ERGIC2: variants seen among roughly 807,000 people sequenced by gnomAD.
The protein encoded by ERGIC2 is ERGIC and golgi 2, also known as endoplasmic reticulum-Golgi intermediate compartment protein 2.
ERGIC2 carries 31 observed loss-of-function variants against 52.5 expected under a neutral mutation model. The ratio of observed to expected loss-of-function variants is 0.59; its 90% CI spans 0.44 to 0.80. The LOEUF is 0.80. ERGIC2 is among the 30% of genes least tolerant of loss of function. ERGIC2 has a pLI of 0.00. For synonymous variants in ERGIC2, 129 were observed against 140.6 expected, an observed-to-expected ratio of 0.92 and a Z score of 0.58; for missense variants, 395 against 455.2, an observed-to-expected ratio of 0.87 and a Z score of 1.20.
intron 1 of ERGIC2, among the ~76,000 whole-genome samples, chr12:29,374,847 TTC>T (rs1774190810): frequency 6.6e-6 from 1 of 152,124 alleles, no homozygotes; most frequent in African/African-American, 2.4e-5. Flanking sequence ...AACCTTCCAA[TTC>T]TCTCTCTATA....
rs767776249 is a variant in ERGIC2 at position 29,371,574 on chromosome 12, C to T, written c.60G>A (p.Pro20=). 1.9e-6 allele frequency: 3 copies of T among 1,613,442 alleles called. No individual in the cohort carries two copies. Among genetic ancestry groups the T allele is most frequent in the Non-Finnish European group, 1.7e-6 (2 of 1,179,718 alleles). Residue 20 remains proline, a synonymous_variant, in exon 2 of 14, where the codon CCG becomes CCA. Coordinates refer to ENST00000360150, the MANE Select transcript of ERGIC2 (RefSeq NM_016570.3). ...TCTCTACATAGCTCTCAGGAACCTT[C>T]GGAAAGGCATCCAACTCTTTTACCA... is the stretch of plus-strand genomic sequence containing the variant. ...LSLVKELDAF[P]KVPESYVETS... is the part of the protein sequence containing the mutation.
rs1940054502 is a variant in ERGIC2 at position 29,346,536 on chromosome 12, G to A, written c.728-996C>T. Among the ~76,000 whole-genome samples the A allele has an allele frequency of 2.6e-5, 4 of 151,998 alleles. 1 individual carries two copies. In the South Asian group the frequency reaches 8.3e-4, roughly 32 times the overall value. ...AACTAAGAATAAAATAAAATTATAAGAGAATAACCACCACAAGACATATTT... is the reference window on the plus strand; with the variant it reads ...AACTAAGAATAAAATAAAATTATAAAAGAATAACCACCACAAGACATATTT... On this transcript the variant is annotated intron_variant, in intron 10 of 13. Transcript: ENST00000360150.
chr12:29,357,559 T>C (rs1395829198), intron 7 of ERGIC2, 64 bp downstream of exon 7: 7 of 855,706 alleles, frequency 8.2e-6, no homozygotes, highest in African/African-American at 1.7e-5. Context: ...ACCAACACTT[T>C]AGTTTTAACT....
intron 5 of ERGIC2, 89 bp from the exon 6 acceptor site, chr12:29,361,774 CAT>C (rs1388307194): frequency 4.8e-6 from 5 of 1,031,494 alleles, no homozygotes; most frequent in South Asian, 1.8e-5. Context: ...GAGCAGGAAA[CAT>C]AAACTTAAGT....
chr12:29,358,718 T>C (rs967935313), intron 6 of ERGIC2, among the ~76,000 whole-genome samples: 3 of 152,046 alleles, frequency 2.0e-5, no homozygotes, highest in African/African-American at 7.2e-5. Context: ...AAAAAAGTTA[T>C]AAACATAGGT....
intron 4 of ERGIC2, among the ~76,000 whole-genome samples, 195 bp downstream of exon 4, chr12:29,368,046 C>T (rs1940389287): frequency 6.6e-6 from 1 of 151,746 alleles, no homozygotes. Context: ...AGTTTTATCT[C>T]TTCTCTTTAT....
chr12:29,366,753 T>C, intron 5 of ERGIC2, 124 bp downstream of exon 5: 1 of 514,196 alleles, frequency 1.9e-6, no homozygotes, highest in Middle Eastern at 3.1e-4. Flanking sequence ...AGAATATGGA[T>C]TACTTTTGAA....
At chr12:29,377,400 G>A (rs893790785) in intron 1 of ERGIC2, among the ~76,000 whole-genome samples, 1 of 152,154 alleles carries the variant, frequency 6.6e-6, no homozygotes, top group Non-Finnish European at 1.5e-5. Flanking sequence ...ATAAAATGGT[G>A]TAGTTTTTGC....
chr12:29,343,383 C>T, intron 11 of ERGIC2, 101 bp from the exon 12 acceptor site: 2 of 843,088 alleles, frequency 2.4e-6, no homozygotes, highest in East Asian at 2.7e-5. Context: ...GCCCTGAAGC[C>T]CTACTGTAAA....
intron 5 of ERGIC2, among the ~76,000 whole-genome samples, chr12:29,364,562 T>C (rs1940332554): frequency 6.6e-6 from 1 of 151,858 alleles, no homozygotes; most frequent in South Asian, 2.1e-4. Flanking sequence ...TATGACTATG[T>C]CCCCACAAGC....
In ERGIC2 at chr12:29,343,188, T is replaced by C. The variant is rs751430616; in HGVS notation, c.920A>G (p.Glu307Gly). Residue 307 changes from glutamate (E) to glycine (G), a missense_variant, in exon 12 of 14, where the codon GAG becomes GGG. Transcript: ENST00000360150. ...AAAAAACTGCCAGAATGGCATGTGC[T>C]CCTCAGTAACTGTCACCATAAGAGA... ...LSSLMVTVTEEHMPFWQFFVR... is the reference protein window; with the variant it reads ...LSSLMVTVTEGHMPFWQFFVR... The C allele has an allele frequency of 1.2e-6, 2 of 1,611,368 alleles. No individual in the cohort carries two copies. The highest frequency in any genetic ancestry group is 8.5e-7 in the Non-Finnish European group (1 of 1,178,252).
Position 29,341,019 on chromosome 12 carries a change from T to G in ERGIC2, c.*137A>C. 1.4e-6 allele frequency: 1 copy of G among 707,036 alleles called. No individual in the cohort carries two copies. The highest frequency in any genetic ancestry group is 2.4e-6 in the Non-Finnish European group (1 of 414,756). The allele number at this position is 707,036 out of a possible 1,614,324, so 43.8% of individuals were successfully genotyped here. A position where few individuals can be genotyped will look rare whatever the true frequency, so the allele number is the denominator to read the frequency against. ...ATTTCAGTTTGGGTTTTTTTATCCT[T>G]TTTTTTCTTTTTTAAAATAAGTATG... On this transcript the variant is annotated 3_prime_UTR_variant, in exon 14 of 14. Transcript: ENST00000360150.
chr12:29,371,036 A>G (rs1217372067), intron 2 of ERGIC2, among the ~76,000 whole-genome samples: 3 of 152,160 alleles, frequency 2.0e-5, no homozygotes, highest in Admixed American at 6.5e-5. Context: ...TCATAGGGAA[A>G]GAAATTATAC....
At chr12:29,341,277 TC>T in intron 13 of ERGIC2, 59 bp from the exon 14 acceptor site, 1 of 1,315,030 alleles carries the variant, frequency 7.6e-7, no homozygotes, top group Non-Finnish European at 1.1e-6. Flanking sequence ...TTATACTCTT[TC>T]CTCTAAACAC....
intron 6 of ERGIC2, among the ~76,000 whole-genome samples, chr12:29,360,553 TATAA>T (rs941317976): frequency 9.5e-5 from 14 of 147,724 alleles, no homozygotes; most frequent in African/African-American, 2.7e-4. Context: ...TTTTATATAT[TATAA>T]ATATATAATA....
In ERGIC2 at chr12:29,343,325, A is replaced by AAATAGGAGGAAGAGG. The variant is rs763296383; in HGVS notation, c.826-44_826-43insCCTCTTCCTCCTATT. 4.0e-6 allele frequency: 6 copies of AAATAGGAGGAAGAGG among 1,499,912 alleles called. No individual in the cohort carries two copies. In the African/African-American group the frequency reaches 8.4e-5, roughly 21 times the overall value. 92.9% of individuals were successfully genotyped at this position (1,499,912 alleles called of 1,614,324 possible). On this transcript the variant is annotated intron_variant, in intron 11 of 13. Transcript: ENST00000360150. Reference sequence around the variant, plus strand: ...GGAAGGGGAGAAATAGGAGGAAGAGAGAAACAGAATTCATGTCATCTGGTT... The same window carrying AAATAGGAGGAAGAGG: ...GGAAGGGGAGAAATAGGAGGAAGAGAAATAGGAGGAAGAGGGAAACAGAATTCATGTCATCTGGTT...
chr12:29,362,864 A>G (rs944233332), intron 5 of ERGIC2, among the ~76,000 whole-genome samples: 1 of 152,204 alleles, frequency 6.6e-6, no homozygotes, highest in African/African-American at 2.4e-5. Flanking sequence ...TAACATCTAT[A>G]AAACACAACA....
chr12:29,378,250 C>G (rs373109289), intron 1 of ERGIC2, among the ~76,000 whole-genome samples: 4 of 152,240 alleles, frequency 2.6e-5, no homozygotes, highest in East Asian at 3.9e-4. Context: ...TCTACAAACC[C>G]AGGCATAGCA....
intron 11 of ERGIC2, among the ~76,000 whole-genome samples, chr12:29,345,002 C>T (rs1940026255): frequency 6.6e-6 from 1 of 152,146 alleles, no homozygotes; most frequent in Non-Finnish European, 1.5e-5. Flanking sequence ...GGCAAACCCT[C>T]TAAATTTGCT....
Sources: gnomAD v4.1 joint callset for allele counts (sites outside exome capture counted in the v4.1 genomes callset) on GRCh38, gnomAD v4.1.1 for gene constraint, MANE v1.5 for transcripts, NCBI Gene and HGNC (gene_info 2026-07-23, HGNC 2026-07-21) for gene names.